ABCC4: variants seen among roughly 807,000 people sequenced by gnomAD.
ABCC4 encodes ATP-binding cassette sub-family C member 4.
A neutral mutation model predicts 168.5 loss-of-function variants in ABCC4; 102 were observed. That is an observed-to-expected ratio of 0.61 (90% CI 0.52 to 0.71). The LOEUF is 0.71. Ranked by LOEUF, ABCC4 falls within the 30% of genes least tolerant of loss-of-function variation. The probability of loss-of-function intolerance (pLI) is 0.00; values close to 1 mark genes in which losing one functional copy is unlikely to be tolerated. For missense variants in ABCC4, 1,402 were observed against 1,605.8 expected (o/e 0.87, Z 2.17); for synonymous variants, 617 against 590.7 (o/e 1.04, Z -0.65).
At chr13:95,112,512 C>T (rs2139403330) in intron 20 of ABCC4, among the ~76,000 whole-genome samples, 1 of 152,184 alleles carries the variant, frequency 6.6e-6, no homozygotes, top group Middle Eastern at 3.4e-3. Context: ...TATGAAGATA[C>T]CTAACTTTTC....
intron 3 of ABCC4, among the ~76,000 whole-genome samples, chr13:95,237,354 A>T (rs2039803656): frequency 6.6e-6 from 1 of 152,220 alleles, no homozygotes; most frequent in South Asian, 2.1e-4. Context: ...TCATTATCAA[A>T]ATTACAACTA....
intron 29 of ABCC4, among the ~76,000 whole-genome samples, chr13:95,035,810 T>C (rs1208368913): frequency 6.6e-6 from 1 of 152,192 alleles, no homozygotes; most frequent in Non-Finnish European, 1.5e-5. Context: ...AGTTCTTCAG[T>C]TAGGCCATAT....
At chr13:95,105,815 G>A (rs1288015044) in intron 20 of ABCC4, among the ~76,000 whole-genome samples, 1 of 152,182 alleles carries the variant, frequency 6.6e-6, no homozygotes, top group Non-Finnish European at 1.5e-5. Context: ...TGCAGATGAT[G>A]ATGATAACAG....
chr13:95,115,502 C>CAA (rs4148521), intron 20 of ABCC4, among the ~76,000 whole-genome samples: 9,010 of 141,020 alleles, frequency 0.064, 312 homozygotes, highest in Middle Eastern at 0.11. Flanking sequence ...TGGTTCTATC[C>CAA]AAAAAAAAAA....
intron 22 of ABCC4, 91 bp from the exon 23 acceptor site, chr13:95,074,415 G>C (rs2033830642): frequency 1.0e-6 from 1 of 1,001,366 alleles, no homozygotes; most frequent in East Asian, 2.6e-5. Context: ...ATTTTTACGT[G>C]GAGTAGGGCA....
intron 19 of ABCC4, among the ~76,000 whole-genome samples, chr13:95,133,514 C>T (rs951930637): frequency 2.0e-5 from 3 of 152,168 alleles, no homozygotes; most frequent in African/African-American, 7.2e-5. Context: ...TCAGAGCATT[C>T]AGCTCGACGT....
intron 20 of ABCC4, among the ~76,000 whole-genome samples, chr13:95,109,391 AAC>A (rs61165942): frequency 0.13 from 20,272 of 150,360 alleles, 2,393 homozygotes; most frequent in African/African-American, 0.33. Flanking sequence ...CAGGTGTGCA[AAC>A]ACACACACAC....
chr13:95,203,746 A>G (rs1421110558), intron 8 of ABCC4, among the ~76,000 whole-genome samples: 1 of 152,038 alleles, frequency 6.6e-6, no homozygotes, highest in Non-Finnish European at 1.5e-5. Context: ...GCACAGAGGG[A>G]CACACATAAC....
intron 27 of ABCC4, among the ~76,000 whole-genome samples, chr13:95,050,818 G>T (rs1242813126): frequency 2.6e-5 from 4 of 152,194 alleles, no homozygotes; most frequent in African/African-American, 9.6e-5. Context: ...GATGGTTTTT[G>T]ATAGGATCAT....
rs1254470009 is a variant in ABCC4 at position 95,071,904 on chromosome 13, T to C, written c.3019-51A>G. On this transcript the variant is annotated intron_variant, in intron 24 of 30. Coordinates refer to ENST00000645237, the MANE Select transcript of ABCC4 (RefSeq NM_005845.5). The stretch of plus-strand genomic sequence containing the variant: ...GGTTAGGAATGGAGGGTGTCATTTA[T>C]GGATGTTAAGAGACTGTCAATGAAA... The C allele has an allele frequency of 2.3e-6, 3 of 1,315,398 alleles. No individual in the cohort carries two copies. The South Asian group carries it at 5.9e-5, about 26-fold the overall frequency. 81.5% of individuals were successfully genotyped at this position (1,315,398 alleles called of 1,614,324 possible). A position where few individuals can be genotyped will look rare whatever the true frequency, so the allele number is the denominator to read the frequency against.
chr13:95,270,556 A>G (rs1458398890), intron 1 of ABCC4, among the ~76,000 whole-genome samples: 1 of 152,076 alleles, frequency 6.6e-6, no homozygotes, highest in Non-Finnish European at 1.5e-5. Flanking sequence ...TGTGGCACAG[A>G]AGAGAAAGGG....
At chr13:95,107,669 G>A (rs1056934143) in intron 20 of ABCC4, among the ~76,000 whole-genome samples, 2 of 152,150 alleles carry the variant, frequency 1.3e-5, no homozygotes, top group South Asian at 2.1e-4. Context: ...GCTCACTCCT[G>A]TAATCCCAGC....
intron 1 of ABCC4, chr13:95,266,001 G>A (rs2040662347): frequency 6.6e-6 from 1 of 152,174 alleles, no homozygotes; most frequent in Non-Finnish European, 1.5e-5. Context: ...ACTGGTTCAA[G>A]CATTTTAACG....
At chr13:95,192,310 T>A (rs577297234) in intron 9 of ABCC4, among the ~76,000 whole-genome samples, 4 of 149,900 alleles carry the variant, frequency 2.7e-5, no homozygotes, top group Non-Finnish European at 5.9e-5. Context: ...GTGCCCCTCC[T>A]CCCACCCCAG....
intron 8 of ABCC4, among the ~76,000 whole-genome samples, chr13:95,206,084 G>GAT (rs2038771039): frequency 6.6e-6 from 1 of 152,172 alleles, no homozygotes; most frequent in African/African-American, 2.4e-5. Context: ...TTCAAACAGG[G>GAT]ATAGCTAAGT....
intron 16 of ABCC4, 78 bp from the exon 17 acceptor site, chr13:95,163,725 T>C (rs1460699713): frequency 4.8e-6 from 6 of 1,240,896 alleles, no homozygotes; most frequent in East Asian, 5.0e-5. Context: ...ATCGCTAACA[T>C]GGACAACCGA....
In ABCC4 at chr13:95,064,295, T is replaced by C. The variant is rs866173610; in HGVS notation, c.3211-1436A>G. Among the ~76,000 whole-genome samples the C allele has an allele frequency of 7.2e-3, 662 of 92,108 alleles. 8 individuals are homozygous for C. The highest frequency in any genetic ancestry group is 0.01 in the Non-Finnish European group (430 of 41,242). The allele number at this position is 92,108 out of a possible 152,430, so 60.4% of individuals were successfully genotyped here. ...ATATATATATATATATATATATATA[T>C]ATACACACACACACACCAATTGAAT... On this transcript the variant is annotated intron_variant, in intron 25 of 30. Transcript: ENST00000645237.
At chr13:95,036,593 C>T (rs1295621204) in intron 29 of ABCC4, among the ~76,000 whole-genome samples, 2 of 151,906 alleles carry the variant, frequency 1.3e-5, no homozygotes, top group Non-Finnish European at 2.9e-5. Flanking sequence ...ATCATTTGGT[C>T]AAAATACTTT....
intron 18 of ABCC4, 39 bp from the exon 19 acceptor site, chr13:95,161,374 C>CCTG: frequency 6.8e-7 from 1 of 1,468,864 alleles, no homozygotes; most frequent in South Asian, 1.5e-5. Context: ...CACAGCATAT[C>CCTG]TCTGCATTTT....
Sources: gnomAD v4.1 joint callset for allele counts (sites outside exome capture counted in the v4.1 genomes callset) on GRCh38, gnomAD v4.1.1 for gene constraint, MANE v1.5 for transcripts, NCBI Gene and HGNC (gene_info 2026-07-23, HGNC 2026-07-21) for gene names.